SNTG2: variants seen among roughly 807,000 people sequenced by gnomAD.
SNTG2 encodes gamma-2-syntrophin.
Under a neutral mutation model 70.9 loss-of-function variants are expected in SNTG2, and 74 were observed. That is an observed-to-expected ratio of 1.04 (90% CI 0.86 to 1.27). The LOEUF (loss-of-function observed/expected upper bound fraction) is 1.27. Ranked by LOEUF, SNTG2 falls within the 50% of genes most tolerant of loss-of-function variation. The pLI is 0.00. For synonymous variants in SNTG2, 278 were observed against 273.8 expected (o/e 1.02, Z -0.15); for missense variants, 717 against 690.7 (o/e 1.04, Z -0.43).
At chr2:1,162,890 G>C (rs1314626031) in intron 6 of SNTG2, among the ~76,000 whole-genome samples, 1 of 152,186 alleles carries the variant, frequency 6.6e-6, no homozygotes, top group Non-Finnish European at 1.5e-5. Flanking sequence ...GCAGCAGCCT[G>C]TATGAAGACA....
At chr2:1,271,406 T>C (rs1558619794) in intron 14 of SNTG2, among the ~76,000 whole-genome samples, 1 of 152,058 alleles carries the variant, frequency 6.6e-6, no homozygotes, top group African/African-American at 2.4e-5. Flanking sequence ...TGTCAATTTA[T>C]TTAAATTCTA....
chr2:1,357,247 G>T (rs1272074177), intron 16 of SNTG2, among the ~76,000 whole-genome samples: 1 of 152,148 alleles, frequency 6.6e-6, no homozygotes, highest in Admixed American at 6.5e-5. Context: ...AAAGATTTCA[G>T]CCTCTCACCA....
At chr2:1,269,035 T>C (rs1401770522) in intron 14 of SNTG2, among the ~76,000 whole-genome samples, 1 of 152,148 alleles carries the variant, frequency 6.6e-6, no homozygotes, top group African/African-American at 2.4e-5. Flanking sequence ...AGAGCAATCA[T>C]AGAATTACAG....
intron 12 of SNTG2, among the ~76,000 whole-genome samples, chr2:1,251,324 T>C (rs1320089089): frequency 6.6e-6 from 1 of 152,182 alleles, no homozygotes; most frequent in Non-Finnish European, 1.5e-5. Flanking sequence ...TTTTTAAGTA[T>C]AAATATATAA....
At chr2:956,441 C>T (rs1472874156) in intron 1 of SNTG2, among the ~76,000 whole-genome samples, 1 of 152,250 alleles carries the variant, frequency 6.6e-6, no homozygotes, top group African/African-American at 2.4e-5. Flanking sequence ...CTTCACACAC[C>T]TTGGTTGGGC....
At chr2:1,113,154 CGTGGGTACTAAGTGAGG>C (rs1229138963) in intron 4 of SNTG2, among the ~76,000 whole-genome samples, 2 of 138,680 alleles carry the variant, frequency 1.4e-5, no homozygotes, top group Admixed American at 7.1e-5. Context: ...TGAGGAGGAT[CGTGGGTACTAAGTGAGG>C]TTTAACCCTT....
chr2:1,154,460 A>G (rs1487789037), intron 6 of SNTG2, among the ~76,000 whole-genome samples: 1 of 152,214 alleles, frequency 6.6e-6, no homozygotes, highest in East Asian at 1.9e-4. Flanking sequence ...AAAGTTCTAC[A>G]TATATGTTGA....
At chr2:1,124,305 A>ATTTTTTTTTTTTTTTTTTTT (rs763685919) in intron 4 of SNTG2, among the ~76,000 whole-genome samples, 1 of 147,436 alleles carries the variant, frequency 6.8e-6, no homozygotes, top group Non-Finnish European at 1.5e-5. Context: ...TCTTTTTTTA[A>ATTTTTTTTTTTTTTTTTTTT]TTTTTCTCAG....
intron 12 of SNTG2, among the ~76,000 whole-genome samples, chr2:1,251,713 AAC>A (rs1318242013): frequency 7.1e-6 from 1 of 140,770 alleles, no homozygotes; most frequent in Non-Finnish European, 1.5e-5. Flanking sequence ...CCACACACAC[AAC>A]ACAAATAGAC....
rs566040255 is a variant in SNTG2, at chr2:1,044,138, C to A, written c.73-39380C>A. ...GGAGCTTTCACCACCGCTGCCCCCCCACCCCGGTTAGCTGTATTCCTAGGT... is the reference window on the plus strand; with the variant it reads ...GGAGCTTTCACCACCGCTGCCCCCCAACCCCGGTTAGCTGTATTCCTAGGT... On this transcript the variant is annotated intron_variant, in intron 1 of 16. Transcript: ENST00000308624. Among the ~76,000 whole-genome samples the A allele has an allele frequency of 4.5e-4, 69 of 152,032 alleles. 1 individual carries two copies. Among genetic ancestry groups the A allele is most frequent in the African/African-American group, 1.5e-3 (64 of 41,494 alleles).
At chr2:1,037,246 C>T (rs1457564825) in intron 1 of SNTG2, among the ~76,000 whole-genome samples, 1 of 152,194 alleles carries the variant, frequency 6.6e-6, no homozygotes, top group Non-Finnish European at 1.5e-5. Flanking sequence ...TGTCTGGGTC[C>T]TTTGGGACAC....
chr2:1,293,768 A>T (rs1334056934), intron 14 of SNTG2, among the ~76,000 whole-genome samples: 1 of 152,140 alleles, frequency 6.6e-6, no homozygotes, highest in Non-Finnish European at 1.5e-5. Flanking sequence ...GCGGCCGAGC[A>T]TGTGGAGCGA....
chr2:1,111,264 C>T (rs1666419563), intron 4 of SNTG2, among the ~76,000 whole-genome samples: 1 of 152,194 alleles, frequency 6.6e-6, no homozygotes, highest in South Asian at 2.1e-4. Flanking sequence ...CAAAAAGAAT[C>T]ACAAGAAACA....
chr2:956,095 CCT>C, intron 1 of SNTG2, among the ~76,000 whole-genome samples: 1 of 140,846 alleles, frequency 7.1e-6, no homozygotes, highest in African/African-American at 2.7e-5. Context: ...ATGCTCCGCA[CCT>C]GCCCCTACCC....
intron 1 of SNTG2, among the ~76,000 whole-genome samples, chr2:987,342 C>G: frequency 6.6e-6 from 1 of 152,126 alleles, no homozygotes; most frequent in East Asian, 1.9e-4. Flanking sequence ...CGTCCTGATC[C>G]TGAACTGTGA....
chr2:1,101,543 C>A (rs1394498978), intron 4 of SNTG2, among the ~76,000 whole-genome samples: 1 of 152,166 alleles, frequency 6.6e-6, no homozygotes, highest in Non-Finnish European at 1.5e-5. Context: ...GGAAGCAGAG[C>A]CCCTGGGTTG....
At chr2:1,276,198 A>T (rs1679257248) in intron 14 of SNTG2, among the ~76,000 whole-genome samples, 1 of 152,258 alleles carries the variant, frequency 6.6e-6, no homozygotes, top group Admixed American at 6.5e-5. Context: ...AACAACACTG[A>T]TAAAGGAGGC....
chr2:1,347,283 A>C (rs1660342991), intron 16 of SNTG2, among the ~76,000 whole-genome samples: 1 of 152,066 alleles, frequency 6.6e-6, no homozygotes, highest in Non-Finnish European at 1.5e-5. Context: ...GAGGGGTTAG[A>C]GCTCCAGCCA....
At chr2:1,263,831 C>T (rs1678581615) in intron 13 of SNTG2, among the ~76,000 whole-genome samples, 1 of 152,198 alleles carries the variant, frequency 6.6e-6, no homozygotes, top group South Asian at 2.1e-4. Context: ...AGTGGAGGCT[C>T]TGAGAGAGTG....
Sources: allele counts gnomAD v4.1 joint callset (sites outside exome capture counted in the v4.1 genomes callset), GRCh38; gene constraint gnomAD v4.1.1; transcripts MANE v1.5; gene names NCBI Gene and HGNC (gene_info 2026-07-23, HGNC 2026-07-21).